Variants in CHML observed in about 807,000 individuals in gnomAD.
CHML encodes the protein CHM like Rab escort protein, also known as rab proteins geranylgeranyltransferase component A 2.
A neutral mutation model predicts 30.4 loss-of-function variants in CHML; 20 were observed. The observed-to-expected ratio is 0.66, with a 90% CI of 0.46 to 0.95. CHML has a LOEUF of 0.95. Ranked by LOEUF, CHML falls within the 40% of genes least tolerant of loss-of-function variation. The probability of loss-of-function intolerance (pLI) is 0.00; values close to 1 mark genes in which losing one functional copy is unlikely to be tolerated. For missense variants in CHML, 795 were observed against 768.5 expected, an observed-to-expected ratio of 1.03 and a Z score of -0.41; for synonymous variants, 281 against 275.0, an observed-to-expected ratio of 1.02 and a Z score of -0.22.
Position 241,640,368 on chromosome 1 carries a change from C to T in CHML, c.-794G>A. The T allele has an allele frequency of 9.9e-6, 10 of 1,012,580 alleles. No individual in the cohort carries two copies. The South Asian group carries it at 4.7e-4, about 48-fold the overall frequency. The allele number at this position is 1,012,580 out of a possible 1,614,324, so 62.7% of individuals were successfully genotyped here. ...CGCCGCCTGCTCTAGCCATTGTGCA[C>T]TGAGGGGCCCGCGCTACCGCGCGCC... On this transcript the variant is annotated 5_prime_UTR_variant, in exon 1 of 2. In the 5' UTR this introduces an upstream ATG that the reference lacks. Transcript: ENST00000366553.
Position 241,640,227 on chromosome 1 carries a change from G to A in CHML, c.-653C>T. 1 of 1,326,748 alleles carries A rather than the reference G, an allele frequency of 7.5e-7. No individual in the cohort carries two copies. Among genetic ancestry groups the A allele is most frequent in the Non-Finnish European group, 9.6e-7 (1 of 1,045,968 alleles). 82.2% of individuals were successfully genotyped at this position (1,326,748 alleles called of 1,614,324 possible). A position where few individuals can be genotyped will look rare whatever the true frequency, so the allele number is the denominator to read the frequency against. Reference sequence around the variant, plus strand: ...GCCCCGCCGCCGTCCCAGTAGCCGTGGCCGCCGCTGCGGTTCCCCGAGTAC... The same window carrying A: ...GCCCCGCCGCCGTCCCAGTAGCCGTAGCCGCCGCTGCGGTTCCCCGAGTAC... On this transcript the variant is annotated 5_prime_UTR_variant, in exon 1 of 2. Coordinates refer to ENST00000366553, the MANE Select transcript of CHML (RefSeq NM_001381853.1).
chr1:241,639,594 CGGGCCG>C (rs1333272546), intron 1 of CHML, among the ~76,000 whole-genome samples: 1 of 151,180 alleles, frequency 6.6e-6, no homozygotes, highest in Admixed American at 6.6e-5. Context: ...AGAAAGGAGG[CGGGCCG>C]GGGTTTGGGG....
Position 241,635,384 on chromosome 1 carries a change from G to C in CHML, c.383C>G (p.Ser128Cys), listed in dbSNP as rs1558448172. ...ATCCAGAACTTCAGTGAAGGTATTA[G>C]ACACCCCCAAAGAAGGATTTTTCTG... ...ALQKNPSLGVSNTFTEVLDSA... is the reference protein window; with the variant it reads ...ALQKNPSLGVCNTFTEVLDSA... The change falls in exon 2 of 2, where the codon TCT becomes TGT. Residue 128 changes from serine (S) to cysteine (C), a missense_variant. Coordinates refer to ENST00000366553, the MANE Select transcript of CHML (RefSeq NM_001381853.1). 6.2e-7 allele frequency: 1 copy of C among 1,614,026 alleles called. No homozygotes were observed. Among genetic ancestry groups the C allele is most frequent in the Non-Finnish European group, 8.5e-7 (1 of 1,179,942 alleles).
rs1044447716 is a variant in CHML at position 241,631,043 on chromosome 1, T to A, written c.*2753A>T. The A allele has an allele frequency of 1.3e-5, 2 of 152,064 alleles. No individual in the cohort carries two copies. The highest frequency in any genetic ancestry group is 4.8e-5 in the African/African-American group (2 of 41,370). 9.4% of individuals were successfully genotyped at this position (152,064 alleles called of 1,614,324 possible). ...ACAATTTGAAGCATACTGTCCTTCA[T>A]GATACATGGATAGACATTATTTAAA... On this transcript the variant is annotated 3_prime_UTR_variant, in exon 2 of 2. Transcript: ENST00000366553.
At chr1:241,637,165 G>A (rs1664929962) in intron 1 of CHML, among the ~76,000 whole-genome samples, 1 of 152,094 alleles carries the variant, frequency 6.6e-6, no homozygotes, top group African/African-American at 2.4e-5. Context: ...TTGAGCTCTG[G>A]TTTTCACTAC....
In CHML at chr1:241,634,609, G is replaced by T. The variant is rs570614891; in HGVS notation, c.1158C>A (p.Pro386=). The change falls in exon 2 of 2, where the codon CCC becomes CCA. Residue 386 remains proline (P), a synonymous_variant. Coordinates refer to ENST00000366553, the MANE Select transcript of CHML (RefSeq NM_001381853.1). ...LFPLYGQGEI[P]QGFCRMCAVF... ...CTGCACACATCCTACAGAAACCCTG[G>T]GGAATTTCTCCTTGGCCATACAAGG... 34 of 1,613,776 alleles carry T rather than the reference G, an allele frequency of 2.1e-5. No homozygotes were observed. In the African/African-American group the frequency reaches 3.5e-4, roughly 16 times the overall value.
chr1:241,633,515 AC>A lies in CHML; in HGVS notation c.*280del, dbSNP rs1664729299. On this transcript the variant is annotated 3_prime_UTR_variant, in exon 2 of 2. Transcript: ENST00000366553. Reference sequence around the variant, plus strand: ...CTTTAAGCTGAGTTGCTAATATGGAACCCTTACATATATACCCAATACTAAA... The same window carrying A: ...CTTTAAGCTGAGTTGCTAATATGGAACCTTACATATATACCCAATACTAAA... 1 of 339,194 alleles carries A rather than the reference AC, an allele frequency of 2.9e-6. No homozygotes were observed. Among genetic ancestry groups the A allele is most frequent in the Non-Finnish European group, 5.3e-6 (1 of 187,310 alleles). 21.0% of individuals were successfully genotyped at this position (339,194 alleles called of 1,614,324 possible).
chr1:241,634,720 T>C lies in CHML; in HGVS notation c.1047A>G (p.Ser349=). Residue 349 remains serine, a synonymous_variant, in exon 2 of 2, where the codon TCA becomes TCG. Transcript: ENST00000366553. The part of the protein sequence containing the change: ...VLHSIAMTSE[S]SCTTIDGLNA... Reference sequence around the variant, plus strand: ...TAAGACCATCTATTGTAGTGCAAGATGATTCTGATGTCATTGCAATTGAGT... The same window carrying C: ...TAAGACCATCTATTGTAGTGCAAGACGATTCTGATGTCATTGCAATTGAGT... 1 of 1,614,030 alleles carries C rather than the reference T, an allele frequency of 6.2e-7. No homozygotes were observed. The highest frequency in any genetic ancestry group is 8.5e-7 in the Non-Finnish European group (1 of 1,179,892).
rs1664643785 is a variant in CHML, at chr1:241,631,807, T to C, written c.*1989A>G. 6.6e-6 allele frequency: 1 copy of C among 152,170 alleles called. No homozygotes were observed. The highest frequency in any genetic ancestry group is 1.5e-5 in the Non-Finnish European group (1 of 68,008). 9.4% of individuals were successfully genotyped at this position (152,170 alleles called of 1,614,324 possible). A position where few individuals can be genotyped will look rare whatever the true frequency, so the allele number is the denominator to read the frequency against. On this transcript the variant is annotated 3_prime_UTR_variant, in exon 2 of 2. Coordinates refer to ENST00000366553, the MANE Select transcript of CHML (RefSeq NM_001381853.1). The stretch of plus-strand genomic sequence containing the variant: ...TTCAATAAGCTGCAGGACCAGTGTG[T>C]GCTTTTTACCCCCGGCAATGCTAGA...
At position 241,634,256 on chromosome 1, in the gene CHML, T is replaced by C. The variant is rs765655048; in HGVS notation, c.1511A>G (p.Asp504Gly). Residue 504 changes from aspartate to glycine, a missense_variant, in exon 2 of 2, where the codon GAC (aspartate) becomes GGC (glycine). Coordinates refer to ENST00000366553, the MANE Select transcript of CHML (RefSeq NM_001381853.1). ...ACATGTCAAATGTACCAGATAGGTG[T>C]CCTTCATGCATGTCATGGTTGAAGA... Reference protein sequence around the residue: ...LCSSTMTCMKDTYLVHLTCSS... With the variant: ...LCSSTMTCMKGTYLVHLTCSS... 21 of 1,613,816 alleles carry C rather than the reference T, an allele frequency of 1.3e-5. No homozygotes were observed. In the South Asian group the frequency reaches 2.2e-4, roughly 17 times the overall value.
rs1208574172 is a variant in CHML at position 241,631,923 on chromosome 1, C to T, written c.*1873G>A. 2 of 152,172 alleles carry T rather than the reference C, an allele frequency of 1.3e-5. No homozygotes were observed. Among genetic ancestry groups the T allele is most frequent in the East Asian group, 1.9e-4 (1 of 5,194 alleles). 9.4% of individuals were successfully genotyped at this position (152,172 alleles called of 1,614,324 possible). ...AGAAAGATCAAAGGTTTTAGAATCA[C>T]AAAAGGCTGGGTCCCCATGTTGGCT... On this transcript the variant is annotated 3_prime_UTR_variant, in exon 2 of 2. Coordinates refer to ENST00000366553, the MANE Select transcript of CHML (RefSeq NM_001381853.1).
chr1:241,634,782 T>C lies in CHML; in HGVS notation c.985A>G (p.Lys329Glu). The change falls in exon 2 of 2, where the codon AAA becomes GAA. Residue 329 changes from lysine (K) to glutamate (E), a missense_variant. Transcript: ENST00000366553. ...QCSFSEYLKT[K>E]KLTPNLQHFV... Reference sequence around the variant, plus strand: ...TGTTGAAGGTTGGGAGTTAGTTTTTTAGTTTTTAAGTATTCTGAAAATGAA... The same window carrying C: ...TGTTGAAGGTTGGGAGTTAGTTTTTCAGTTTTTAAGTATTCTGAAAATGAA... The C allele has an allele frequency of 6.2e-7, 1 of 1,614,036 alleles. No individual in the cohort carries two copies. Among genetic ancestry groups the C allele is most frequent in the Non-Finnish European group, 8.5e-7 (1 of 1,179,908 alleles).
At chr1:241,639,833 G>A (rs1276792638) in intron 1 of CHML, 49 bp downstream of exon 1, 1 of 1,425,552 alleles carries the variant, frequency 7.0e-7, no homozygotes, top group Non-Finnish European at 9.2e-7. Flanking sequence ...AGCGGGGTGG[G>A]GAGTGGAAGT....
rs984674439 is a variant in CHML, at chr1:241,630,449, A to G, written c.*3347T>C. 12 of 152,136 alleles carry G rather than the reference A, an allele frequency of 7.9e-5. 1 individual carries two copies. Among genetic ancestry groups the G allele is most frequent in the African/African-American group, 2.9e-4 (12 of 41,462 alleles). 9.4% of individuals were successfully genotyped at this position (152,136 alleles called of 1,614,324 possible). On this transcript the variant is annotated 3_prime_UTR_variant, in exon 2 of 2. Coordinates refer to ENST00000366553, the MANE Select transcript of CHML (RefSeq NM_001381853.1). Reference sequence around the variant, plus strand: ...TTGCAGTTTGTCACTGCTAAGATGTAGAAATGAGATTTTTAAAAATTGTGT... The same window carrying G: ...TTGCAGTTTGTCACTGCTAAGATGTGGAAATGAGATTTTTAAAAATTGTGT...
chr1:241,638,902 A>G (rs1012127795), intron 1 of CHML, among the ~76,000 whole-genome samples: 2 of 152,218 alleles, frequency 1.3e-5, no homozygotes, highest in Admixed American at 6.5e-5. Flanking sequence ...TAAAGTATCA[A>G]TGGATTTCAG....
At chr1:241,639,858 C>A in intron 1 of CHML, 24 bp downstream of exon 1, 1 of 1,498,118 alleles carries the variant, frequency 6.7e-7, no homozygotes. Context: ...AGAGGGGAGG[C>A]TGCCTTCTCC....
At position 241,630,041 on chromosome 1, in the gene CHML, A is replaced by C. The variant is rs1477793984; in HGVS notation, c.*3755T>G. ...TAAATGGAACTGTAGTAAATTTCATACTAATGTCACATATTGGCATTTCTT... is the reference window on the plus strand; with the variant it reads ...TAAATGGAACTGTAGTAAATTTCATCCTAATGTCACATATTGGCATTTCTT... On this transcript the variant is annotated 3_prime_UTR_variant, in exon 2 of 2. Coordinates refer to ENST00000366553, the MANE Select transcript of CHML (RefSeq NM_001381853.1). 1 of 152,100 alleles carries C rather than the reference A, an allele frequency of 6.6e-6. No homozygotes were observed. The highest frequency in any genetic ancestry group is 6.5e-5 in the Admixed American group (1 of 15,268). The allele number at this position is 152,100 out of a possible 1,614,324, so 9.4% of individuals were successfully genotyped here. A position where few individuals can be genotyped will look rare whatever the true frequency, so the allele number is the denominator to read the frequency against.
chr1:241,631,066 A>G lies in CHML; in HGVS notation c.*2730T>C, dbSNP rs1664616917. 6.6e-6 allele frequency: 1 copy of G among 152,140 alleles called. No individual in the cohort carries two copies. The highest frequency in any genetic ancestry group is 1.5e-5 in the Non-Finnish European group (1 of 67,982). 9.4% of individuals were successfully genotyped at this position (152,140 alleles called of 1,614,324 possible). Reference sequence around the variant, plus strand: ...CATGATACATGGATAGACATTATTTAAACATTTGAAAAAGTTCACCAGTAA... The same window carrying G: ...CATGATACATGGATAGACATTATTTGAACATTTGAAAAAGTTCACCAGTAA... On this transcript the variant is annotated 3_prime_UTR_variant, in exon 2 of 2. Coordinates refer to ENST00000366553, the MANE Select transcript of CHML (RefSeq NM_001381853.1).
chr1:241,634,844 T>C lies in CHML; in HGVS notation c.923A>G (p.Glu308Gly). Residue 308 changes from glutamate (E) to glycine (G), a missense_variant, in exon 2 of 2, where the codon GAA (glutamate) becomes GGA (glycine). By Grantham distance (98) the Glu-to-Gly change is moderately conservative. Transcript: ENST00000366553. ...AGCTTGGTATTCATCAGGATGTTGT[T>C]CATACTCTAAACAAAATGTGAGAAA... ...MKFLTFCLEY[E>G]QHPDEYQAFR... The C allele has an allele frequency of 6.2e-7, 1 of 1,611,712 alleles. No homozygotes were observed. The highest frequency in any genetic ancestry group is 8.5e-7 in the Non-Finnish European group (1 of 1,179,016).
Sources: gnomAD v4.1 joint callset for allele counts (sites outside exome capture counted in the v4.1 genomes callset) on GRCh38, gnomAD v4.1.1 for gene constraint, MANE v1.5 for transcripts, NCBI Gene and HGNC (gene_info 2026-07-23, HGNC 2026-07-21) for gene names.